PARD3: variants seen among roughly 807,000 people sequenced by gnomAD.
The protein encoded by PARD3 is par-3 family cell polarity regulator.
Under a neutral mutation model 155.4 loss-of-function variants are expected in PARD3, and 75 were observed. The ratio of observed to expected loss-of-function variants is 0.48; its 90% CI spans 0.40 to 0.58. The LOEUF (loss-of-function observed/expected upper bound fraction) is 0.58, where lower values mean the gene tolerates loss of function less well. Among genes scored for constraint, PARD3 ranks in the 20% least tolerant of loss-of-function variants. The pLI is 0.00. For missense variants in PARD3, 1,642 were observed against 1,721.7 expected (o/e 0.95, Z 0.82); for synonymous variants, 576 against 610.5 (o/e 0.94, Z 0.83).
intron 7 of PARD3, among the ~76,000 whole-genome samples, chr10:34,389,141 T>C (rs946185790): frequency 4.0e-5 from 6 of 149,098 alleles, no homozygotes; most frequent in African/African-American, 1.5e-4. Context: ...AAACACTAGA[T>C]CCGCTGCATA....
At position 34,412,013 on chromosome 10, in the gene PARD3, A is replaced by T. The variant is rs183539703; in HGVS notation, c.715-10096T>A. On this transcript the variant is annotated intron_variant, in intron 5 of 24. Coordinates refer to ENST00000374788, the MANE Select transcript of PARD3 (RefSeq NM_001184785.2). ...GGTTTCATTCTGTCACCTAGGCTGG[A>T]GTACAGTGGTATAATCACAGCTTAC... Among the ~76,000 whole-genome samples, 441 of 150,312 alleles carry T rather than the reference A, an allele frequency of 2.9e-3. 2 individuals are homozygous for T. Among genetic ancestry groups the T allele is most frequent in the African/African-American group, 9.4e-3 (384 of 40,864 alleles).
chr10:34,798,691 T>TG (rs1204209497), intron 1 of PARD3, among the ~76,000 whole-genome samples: 3 of 123,668 alleles, frequency 2.4e-5, no homozygotes, highest in Non-Finnish European at 4.9e-5. Flanking sequence ...GGGAACAGAG[T>TG]GAGACTCTGT....
chr10:34,171,184 C>T (rs899940375), intron 22 of PARD3, among the ~76,000 whole-genome samples: 1 of 152,174 alleles, frequency 6.6e-6, no homozygotes, highest in Non-Finnish European at 1.5e-5. Flanking sequence ...TATAATTTGA[C>T]AAGCTAAAAC....
At chr10:34,189,168 CA>C in intron 22 of PARD3, among the ~76,000 whole-genome samples, 1 of 151,878 alleles carries the variant, frequency 6.6e-6, no homozygotes, top group East Asian at 1.9e-4. Flanking sequence ...CCTGTCTCTA[CA>C]AAAATAAAAA....
intron 5 of PARD3, among the ~76,000 whole-genome samples, chr10:34,408,763 C>CG: frequency 6.6e-6 from 1 of 151,812 alleles, no homozygotes; most frequent in East Asian, 1.9e-4. Context: ...AATTCATGAT[C>CG]ATTATATTCT....
At chr10:34,152,571 A>G (rs1479729658) in intron 22 of PARD3, among the ~76,000 whole-genome samples, 1 of 152,254 alleles carries the variant, frequency 6.6e-6, no homozygotes, top group African/African-American at 2.4e-5. Context: ...TATATGGCAC[A>G]GAACTGTATT....
chr10:34,588,379 G>A (rs1048458022), intron 2 of PARD3, among the ~76,000 whole-genome samples: 1 of 152,142 alleles, frequency 6.6e-6, no homozygotes, highest in African/African-American at 2.4e-5. Flanking sequence ...ACAAGCCACA[G>A]CTAACATTCT....
At chr10:34,410,136 G>A (rs909244852) in intron 5 of PARD3, among the ~76,000 whole-genome samples, 1 of 152,080 alleles carries the variant, frequency 6.6e-6, no homozygotes, top group Non-Finnish European at 1.5e-5. Flanking sequence ...AAAAGAAAAT[G>A]GGAATTTGGT....
At position 34,392,078 on chromosome 10, in the gene PARD3, G is replaced by C. The variant is rs559494398; in HGVS notation, c.890+7252C>G. ...AGGCTGAGGTGGGAGGATCACTTGA[G>C]CCTGGAGATCCTGCCACCGTACTCC... On this transcript the variant is annotated intron_variant, in intron 7 of 24. Transcript: ENST00000374788. Among the ~76,000 whole-genome samples the C allele has an allele frequency of 1.4e-4, 22 of 152,232 alleles. No homozygotes were observed. The South Asian group carries it at 1.7e-3, about 11-fold the overall frequency.
chr10:34,350,285 G>C (rs922416757), intron 14 of PARD3, among the ~76,000 whole-genome samples: 1 of 152,154 alleles, frequency 6.6e-6, no homozygotes, highest in African/African-American at 2.4e-5. Flanking sequence ...TGGGAGAATG[G>C]CTGGCCTCTG....
intron 12 of PARD3, among the ~76,000 whole-genome samples, chr10:34,367,841 T>A (rs1416064836): frequency 6.6e-6 from 1 of 152,250 alleles, no homozygotes. Flanking sequence ...TTTCTGAAGT[T>A]AGCCTATCAA....
intron 1 of PARD3, among the ~76,000 whole-genome samples, chr10:34,711,069 C>T (rs960784842): frequency 3.9e-5 from 6 of 151,920 alleles, no homozygotes; most frequent in East Asian, 3.9e-4. Flanking sequence ...CCAGGTATTC[C>T]GGAGACTGAG....
intron 2 of PARD3, among the ~76,000 whole-genome samples, chr10:34,557,227 G>A (rs554296246): frequency 6.6e-6 from 1 of 152,258 alleles, no homozygotes; most frequent in South Asian, 2.1e-4. Context: ...GAGAAAAATA[G>A]GTTATAACCA....
intron 12 of PARD3, among the ~76,000 whole-genome samples, chr10:34,365,864 A>G (rs1839919078): frequency 6.6e-6 from 1 of 152,218 alleles, no homozygotes; most frequent in Admixed American, 6.5e-5. Flanking sequence ...CTGGGATGAC[A>G]GGCATGAGCC....
intron 3 of PARD3, among the ~76,000 whole-genome samples, chr10:34,479,323 G>A (rs1259687904): frequency 4.6e-5 from 7 of 151,628 alleles, no homozygotes; most frequent in African/African-American, 1.2e-4. Flanking sequence ...CACCACGCCC[G>A]GCTAATTTTT....
chr10:34,447,179 G>A (rs537525714), intron 5 of PARD3, among the ~76,000 whole-genome samples: 23 of 152,168 alleles, frequency 1.5e-4, no homozygotes, highest in African/African-American at 5.5e-4. Context: ...TAGGATGGCT[G>A]TTATCAAAAC....
chr10:34,392,980 A>C (rs969538893), intron 7 of PARD3, among the ~76,000 whole-genome samples: 4 of 151,914 alleles, frequency 2.6e-5, no homozygotes, highest in African/African-American at 9.7e-5. Flanking sequence ...TGTTTTTGTA[A>C]ATGAAGCTTT....
At chr10:34,239,556 C>T (rs1953445692) in intron 22 of PARD3, among the ~76,000 whole-genome samples, 2 of 152,100 alleles carry the variant, frequency 1.3e-5, no homozygotes, top group African/African-American at 2.4e-5. Flanking sequence ...AATCTCAGCA[C>T]TTTGGGAGGC....
intron 2 of PARD3, among the ~76,000 whole-genome samples, chr10:34,652,955 A>T (rs1229561565): frequency 2.6e-5 from 4 of 152,184 alleles, no homozygotes. Context: ...GGACATTTAA[A>T]CGGAAGTGCT....
Sources: allele counts gnomAD v4.1 joint callset (sites outside exome capture counted in the v4.1 genomes callset), GRCh38; gene constraint gnomAD v4.1.1; transcripts MANE v1.5; gene names NCBI Gene and HGNC (gene_info 2026-07-23, HGNC 2026-07-21).